CA4: variants seen among roughly 807,000 people sequenced by gnomAD.
The protein encoded by CA4 is carbonic anhydrase 4.
A neutral mutation model predicts 34.5 loss-of-function variants in CA4; 24 were observed. The ratio of observed to expected loss-of-function variants is 0.70; its 90% CI spans 0.50 to 0.98. CA4 has a LOEUF of 0.98. Ranked by LOEUF, CA4 falls within the 50% of genes least tolerant of loss-of-function variation. CA4 has a pLI of 0.00. For synonymous variants in CA4, 178 were observed against 170.6 expected, an observed-to-expected ratio of 1.04 and a Z score of -0.34; for missense variants, 394 against 396.7, an observed-to-expected ratio of 0.99 and a Z score of 0.06.
At chr17:60,173,822 G>A (rs2083933895), downstream of CA4, among the ~76,000 whole-genome samples, 1 of 152,168 alleles carries the variant, frequency 6.6e-6, no homozygotes, top group South Asian at 2.1e-4. Flanking sequence ...CAGAACATTA[G>A]GTGTAATATG....
At chr17:60,164,130 A>G (rs2083826769), downstream of CA4, among the ~76,000 whole-genome samples, 1 of 149,822 alleles carries the variant, frequency 6.7e-6, no homozygotes, top group South Asian at 2.1e-4. Flanking sequence ...AAAAAAAACA[A>G]ACGTAATCTT....
intron 5 of CA4, among the ~76,000 whole-genome samples, chr17:60,168,221 G>A: frequency 7.5e-6 from 1 of 133,024 alleles, no homozygotes; most frequent in Non-Finnish European, 1.6e-5. Flanking sequence ...GGGGGGCGTG[G>A]GGAAGGGTGA....
intron 6 of CA4, 43 bp downstream of exon 6, chr17:60,158,170 A>T: frequency 1.2e-6 from 2 of 1,602,552 alleles, no homozygotes; most frequent in South Asian, 1.1e-5. Flanking sequence ...GAGGGGGGGG[A>T]TTCCTCCCAC....
the CA4 span, chr17:60,179,002 A>G: frequency 1.9e-4 from 74 of 393,624 alleles, no homozygotes; most frequent in East Asian, 1.8e-3. Context: ...GCTGGTGCCA[A>G]ACCTTTTGTT....
Position 60,159,312 on chromosome 17 carries a change from TGGGGCAGCGCACGGTGATAAAGTCCG to T in CA4, c.831_856del (p.Gln278ProfsTer60), listed in dbSNP as rs2083754920. The T allele has an allele frequency of 2.5e-6, 4 of 1,609,952 alleles. No individual in the cohort carries two copies. The African/African-American group carries it at 5.3e-5, about 21-fold the overall frequency. ...GACAATGTCAGGCCCCTGCAGCAGC[TGGGGCAGCGCACGGTGATAAAGTCCG>T]GGGCCCCGGGTCGGCCGCTGCCCTG... On this transcript the variant is annotated frameshift_variant, in exon 8 of 8. Coordinates refer to ENST00000300900, the MANE Select transcript of CA4 (RefSeq NM_000717.5). LOFTEE classifies it low-confidence loss of function (END_TRUNC).
rs767833132 is a variant in CA4, at chr17:60,155,298, T to C, written c.59-16T>C. 1.9e-6 allele frequency: 3 copies of C among 1,610,102 alleles called. No homozygotes were observed. Among genetic ancestry groups the C allele is most frequent in the Non-Finnish European group, 2.5e-6 (3 of 1,178,080 alleles). ...ACACACGCACGCACACTTCACACCCTTCCTCTCTGCTCCAGAGTCACACTG... is the reference window on the plus strand; with the variant it reads ...ACACACGCACGCACACTTCACACCCCTCCTCTCTGCTCCAGAGTCACACTG... On this transcript the variant is annotated splice_polypyrimidine_tract_variant and intron_variant, in intron 1 of 7. Transcript: ENST00000300900.
At chr17:60,158,515 C>A (rs762619092) in intron 7 of CA4, 69 bp downstream of exon 7, 3 of 1,510,106 alleles carry the variant, frequency 2.0e-6, no homozygotes, top group East Asian at 2.3e-5. Flanking sequence ...CCTCTGTCTG[C>A]CCTCAGAGGT....
downstream of CA4, among the ~76,000 whole-genome samples, chr17:60,163,902 G>A (rs962930368): frequency 2.0e-5 from 3 of 152,108 alleles, no homozygotes; most frequent in Admixed American, 6.5e-5. Flanking sequence ...AGGTCAAGGC[G>A]GGAGGATCAC....
chr17:60,171,893 A>G (rs1598009891), downstream of CA4, among the ~76,000 whole-genome samples: 2 of 152,218 alleles, frequency 1.3e-5, no homozygotes, highest in East Asian at 3.9e-4. Context: ...AAGGCAAGTG[A>G]CCCCCAAGGT....
At chr17:60,176,336 A>C in the CA4 span, among the ~76,000 whole-genome samples, 1,956 of 152,184 alleles carry the variant, frequency 0.013, 14 homozygotes, top group Non-Finnish European at 0.019. Context: ...TACAAGCCTG[A>C]GTGTTCGGTA....
chr17:60,153,136 G>A (rs992308085), intron 1 of CA4, among the ~76,000 whole-genome samples: 1 of 152,140 alleles, frequency 6.6e-6, no homozygotes. Flanking sequence ...TCAGGAGTTC[G>A]AGACCAGCCT....
downstream of CA4, among the ~76,000 whole-genome samples, chr17:60,162,697 A>G (rs1001895154): frequency 2.0e-5 from 3 of 152,082 alleles, no homozygotes; most frequent in East Asian, 5.8e-4. Context: ...CACTCAGCAC[A>G]GCATAAAGCA....
rs1443768995 is a variant in CA4 at position 60,155,308 on chromosome 17, C to T, written c.59-6C>T. The T allele has an allele frequency of 1.9e-6, 3 of 1,611,376 alleles. No homozygotes were observed. Among genetic ancestry groups the T allele is most frequent in the Non-Finnish European group, 2.5e-6 (3 of 1,178,802 alleles). ...GCACACTTCACACCCTTCCTCTCTG[C>T]TCCAGAGTCACACTGGTGCTACGAG... On this transcript the variant is annotated splice_region_variant and splice_polypyrimidine_tract_variant and intron_variant, in intron 1 of 7. Transcript: ENST00000300900.
intron 1 of CA4, among the ~76,000 whole-genome samples, chr17:60,150,449 G>T (rs1474819995): frequency 1.3e-5 from 2 of 151,914 alleles, no homozygotes; most frequent in Non-Finnish European, 1.5e-5. Flanking sequence ...GAGGCGGGTG[G>T]ATCACCTGAG....
At chr17:60,170,436 A>C (rs2083902396) in intron 5 of CA4, 1 of 152,256 alleles carries the variant, frequency 6.6e-6, no homozygotes, top group Non-Finnish European at 1.5e-5. Context: ...ATACTATCAG[A>C]TACTCCAAAG....
intron 1 of CA4, 132 bp downstream of exon 1, chr17:60,150,224 GCGC>G (rs1253618615): frequency 1.4e-6 from 1 of 726,608 alleles, no homozygotes; most frequent in Non-Finnish European, 2.2e-6. Context: ...GGTTGCGTGT[GCGC>G]CGGGGGCCGC....
the CA4 span, among the ~76,000 whole-genome samples, chr17:60,178,800 T>A: frequency 6.6e-6 from 1 of 152,384 alleles, no homozygotes; most frequent in Non-Finnish European, 1.5e-5. Flanking sequence ...CTTGTCAATA[T>A]AATGGAATAA....
downstream of CA4, among the ~76,000 whole-genome samples, chr17:60,163,322 TTG>T (rs2083815126): frequency 6.6e-6 from 1 of 152,060 alleles, no homozygotes. Flanking sequence ...GGCTCTGAGC[TTG>T]TGTGTGTGTT....
intron 1 of CA4, among the ~76,000 whole-genome samples, chr17:60,152,588 C>T (rs1396629391): frequency 6.6e-6 from 1 of 152,178 alleles, no homozygotes; most frequent in Non-Finnish European, 1.5e-5. Context: ...GGGGCTCCAC[C>T]CTTTGCAGCT....
Sources: gnomAD v4.1 joint callset for allele counts (sites outside exome capture counted in the v4.1 genomes callset) on GRCh38, gnomAD v4.1.1 for gene constraint, MANE v1.5 for transcripts, NCBI Gene and HGNC (gene_info 2026-07-23, HGNC 2026-07-21) for gene names.